The following IL22RA1 variants were observed in gnomAD, a reference collection of about 807,000 sequenced individuals.
IL22RA1 encodes interleukin 22 receptor subunit alpha 1.
IL22RA1 carries 25 observed loss-of-function variants against 32.8 expected under a neutral mutation model. The ratio of observed to expected loss-of-function variants is 0.76; its 90% CI spans 0.55 to 1.06. The LOEUF (loss-of-function observed/expected upper bound fraction) is 1.06. Among genes scored for constraint, IL22RA1 ranks in the 50% least tolerant of loss-of-function variants. IL22RA1 has a pLI of 0.00. For missense variants in IL22RA1, 709 were observed against 727.4 expected (o/e 0.97, Z 0.29); for synonymous variants, 305 against 305.0 (o/e 1.00, Z 0.00).
rs781318276 is a variant in IL22RA1, at chr1:24,123,420, C to T, written c.674G>A (p.Arg225Gln). The change falls in exon 6 of 7, where the codon CGG (arginine) becomes CAG (glutamine). Residue 225 changes from arginine (R) to glutamine (Q), a missense_variant. Arg to Gln is a conservative substitution (Grantham distance 43). Transcript: ENST00000270800. ...TCCGGAGAAGGAGTAGGTCCATGTC[C>T]GGTCTGGGAAACCAAAGGGGCCAGA... The part of the protein sequence containing the change: ...YMCRVKTLPD[R>Q]TWTYSFSGAF... 75 of 1,612,956 alleles carry T rather than the reference C, an allele frequency of 4.6e-5. No homozygotes were observed. The highest frequency in any genetic ancestry group is 1.3e-4 in the Admixed American group (8 of 59,852).
At chr1:24,134,136 TAAAGCAA>T in intron 4 of IL22RA1, 68 bp downstream of exon 4, 1 of 1,319,494 alleles carries the variant, frequency 7.6e-7, no homozygotes. Flanking sequence ...CTTTTTTTCT[TAAAGCAA>T]CTCAGATCTA....
chr1:24,136,554 T>C (rs1431015103), intron 3 of IL22RA1, among the ~76,000 whole-genome samples: 1 of 151,944 alleles, frequency 6.6e-6, no homozygotes. Flanking sequence ...GAACCAGTCA[T>C]GTGAAGAGCT....
rs761188303 is a variant in IL22RA1, at chr1:24,121,135, G to A, written c.1395C>T (p.His465=). 3 of 1,614,078 alleles carry A rather than the reference G, an allele frequency of 1.9e-6. No individual in the cohort carries two copies. Among genetic ancestry groups the A allele is most frequent in the South Asian group, 2.2e-5 (2 of 91,094 alleles). ...TGTCTGTGCAAATCCCCAGGGGCTG[G>A]TGCAATGATTTTGCTTCTTGGGATT... ...MEESQEAKSL[H]QPLGICTDRT... is the part of the protein sequence containing the mutation. The change falls in exon 7 of 7, where the codon CAC becomes CAT. Residue 465 remains histidine (H), a synonymous_variant. Coordinates refer to ENST00000270800, the MANE Select transcript of IL22RA1 (RefSeq NM_021258.4).
At chr1:24,137,996 G>C (rs1336679788) in intron 2 of IL22RA1, among the ~76,000 whole-genome samples, 1 of 152,106 alleles carries the variant, frequency 6.6e-6, no homozygotes, top group East Asian at 1.9e-4. Flanking sequence ...ACAGATGAGA[G>C]AAATGAGGCT....
At chr1:24,131,100 T>C (rs929452243) in intron 4 of IL22RA1, among the ~76,000 whole-genome samples, 1 of 152,188 alleles carries the variant, frequency 6.6e-6, no homozygotes, top group African/African-American at 2.4e-5. Flanking sequence ...CAGTAGAATA[T>C]GGAAACTATA....
chr1:24,124,876 G>C (rs745898373), intron 5 of IL22RA1, among the ~76,000 whole-genome samples: 29 of 152,252 alleles, frequency 1.9e-4, no homozygotes, highest in Middle Eastern at 3.4e-3. Flanking sequence ...AACCACTGCT[G>C]TTTGTTCCAG....
intron 1 of IL22RA1, among the ~76,000 whole-genome samples, chr1:24,140,710 G>A (rs755015732): frequency 2.2e-4 from 33 of 152,342 alleles, no homozygotes; most frequent in Middle Eastern, 3.4e-3. Context: ...CCCAGGCTTG[G>A]GCTGTGGAGA....
At position 24,137,234 on chromosome 1, in the gene IL22RA1, C is replaced by T. The variant is rs757740132; in HGVS notation, c.252G>A (p.Glu84=). The part of the protein sequence containing the change: ...ITRKSCNLTV[E]TGNLTELYYA... ...AGTAGAGCTCCGTGAGGTTGCCCGTCTCCACCGTCAGGTTGCAGGACTTCC... is the reference window on the plus strand; with the variant it reads ...AGTAGAGCTCCGTGAGGTTGCCCGTTTCCACCGTCAGGTTGCAGGACTTCC... The change falls in exon 3 of 7, where the codon GAG becomes GAA. Residue 84 remains glutamate, a synonymous_variant. Coordinates refer to ENST00000270800, the MANE Select transcript of IL22RA1 (RefSeq NM_021258.4). 4.3e-6 allele frequency: 7 copies of T among 1,614,052 alleles called. No homozygotes were observed. The South Asian group carries it at 5.5e-5, about 13-fold the overall frequency.
intron 5 of IL22RA1, among the ~76,000 whole-genome samples, chr1:24,125,125 G>A (rs1355264957): frequency 6.7e-6 from 1 of 148,336 alleles, no homozygotes; most frequent in Admixed American, 6.7e-5. Flanking sequence ...AGCCAGCAGT[G>A]GTTGAACTCC....
Position 24,121,255 on chromosome 1 carries a change from A to T in IL22RA1, c.1275T>A (p.Leu425=). 1 of 1,614,192 alleles carries T rather than the reference A, an allele frequency of 6.2e-7. No homozygotes were observed. The highest frequency in any genetic ancestry group is 8.5e-7 in the Non-Finnish European group (1 of 1,180,032). Residue 425 remains leucine, a synonymous_variant, in exon 7 of 7, where the codon CTT becomes CTA. Transcript: ENST00000270800. The part of the protein sequence containing the change: ...PTGTLSSPKH[L]RPKGQLQKEP... Reference sequence around the variant, plus strand: ...CTTTCTGAAGCTGACCTTTAGGCCTAAGGTGTTTAGGACTAGAAAGTGTCC... The same window carrying T: ...CTTTCTGAAGCTGACCTTTAGGCCTTAGGTGTTTAGGACTAGAAAGTGTCC...
At chr1:24,124,614 C>G (rs1644148655) in intron 5 of IL22RA1, among the ~76,000 whole-genome samples, 2 of 152,176 alleles carry the variant, frequency 1.3e-5, no homozygotes, top group Admixed American at 1.3e-4. Context: ...CCCTCCCTCT[C>G]TTCCTGGCCC....
At chr1:24,141,941 G>T (rs2502451) in intron 1 of IL22RA1, among the ~76,000 whole-genome samples, 2 of 152,090 alleles carry the variant, frequency 1.3e-5, no homozygotes, top group Non-Finnish European at 2.9e-5. Flanking sequence ...TAAGATTGGG[G>T]GGGTGAGGGC....
rs576969452 is a variant in IL22RA1, at chr1:24,123,765, C to T, written c.671-342G>A. ...GAAGTGGGGAGGTACAGGGAAAGCC[C>T]GCAGCGCACTGCAGGCCCCCAGCCC... On this transcript the variant is annotated intron_variant, in intron 5 of 6. Transcript: ENST00000270800. Among the ~76,000 whole-genome samples, 192 of 152,242 alleles carry T rather than the reference C, an allele frequency of 1.3e-3. 1 individual carries two copies. Among genetic ancestry groups the T allele is most frequent in the African/African-American group, 4.3e-3 (180 of 41,548 alleles).
chr1:24,130,985 G>T (rs1025708594), intron 4 of IL22RA1, among the ~76,000 whole-genome samples: 13 of 152,308 alleles, frequency 8.5e-5, no homozygotes, highest in African/African-American at 2.9e-4. Flanking sequence ...GATTACAGGC[G>T]TGGGCCACCT....
chr1:24,136,237 G>T (rs539896971), intron 3 of IL22RA1, among the ~76,000 whole-genome samples: 1 of 152,198 alleles, frequency 6.6e-6, no homozygotes, highest in Non-Finnish European at 1.5e-5. Context: ...TTACAAGTGT[G>T]AGCCACCACG....
intron 6 of IL22RA1, 74 bp from the exon 7 acceptor site, chr1:24,121,811 G>A: frequency 8.1e-7 from 1 of 1,238,130 alleles, no homozygotes; most frequent in Non-Finnish European, 1.1e-6. Context: ...GATGTGGGTG[G>A]GTGAGGTCCT....
chr1:24,128,985 G>C (rs546620584), intron 4 of IL22RA1, among the ~76,000 whole-genome samples: 70 of 152,260 alleles, frequency 4.6e-4, no homozygotes, highest in Non-Finnish European at 2.9e-5. Flanking sequence ...GCTCATCAAT[G>C]CTGGATACCT....
Position 24,120,196 on chromosome 1 carries a change from G to T in IL22RA1, c.*609C>A, listed in dbSNP as rs967717769. The T allele has an allele frequency of 1.3e-5, 2 of 152,316 alleles. No homozygotes were observed. Among genetic ancestry groups the T allele is most frequent in the African/African-American group, 2.4e-5 (1 of 41,464 alleles). 9.4% of individuals were successfully genotyped at this position (152,316 alleles called of 1,614,324 possible). Reference sequence around the variant, plus strand: ...AGGAATGAAGCTGAAATCGTGCAACGTCAGGCAGTTGCCCTGGCTGGGAAT... The same window carrying T: ...AGGAATGAAGCTGAAATCGTGCAACTTCAGGCAGTTGCCCTGGCTGGGAAT... On this transcript the variant is annotated 3_prime_UTR_variant, in exon 7 of 7. Coordinates refer to ENST00000270800, the MANE Select transcript of IL22RA1 (RefSeq NM_021258.4).
intron 1 of IL22RA1, among the ~76,000 whole-genome samples, chr1:24,142,621 C>T (rs978910035): frequency 6.6e-5 from 10 of 152,226 alleles, no homozygotes; most frequent in Admixed American, 4.6e-4. Flanking sequence ...TCGTTTCCCC[C>T]GGTCCTTCCT....
Sources: allele counts gnomAD v4.1 joint callset (sites outside exome capture counted in the v4.1 genomes callset), GRCh38; gene constraint gnomAD v4.1.1; transcripts MANE v1.5; gene names NCBI Gene and HGNC (gene_info 2026-07-23, HGNC 2026-07-21).